The following ARID1B variants were observed in gnomAD, a reference collection of about 807,000 sequenced individuals.
ARID1B encodes the protein AT-rich interactive domain-containing protein 1B.
Under a neutral mutation model 212.3 loss-of-function variants are expected in ARID1B, and 30 were observed. The ratio of observed to expected loss-of-function variants is 0.14; its 90% CI spans 0.11 to 0.19. The LOEUF (loss-of-function observed/expected upper bound fraction) is 0.19. ARID1B is among the 10% of genes least tolerant of loss of function. ARID1B has a pLI of 1.00. For missense variants in ARID1B, 2,891 were observed against 3,204.0 expected, an observed-to-expected ratio of 0.90 and a Z score of 2.36; for synonymous variants, 1,402 against 1,301.7, an observed-to-expected ratio of 1.08 and a Z score of -1.66.
chr6:156,813,902 G>T (rs1379247309), intron 1 of ARID1B, among the ~76,000 whole-genome samples: 1 of 152,170 alleles, frequency 6.6e-6, no homozygotes, highest in Non-Finnish European at 1.5e-5. Context: ...GGAGGGGCCT[G>T]CCCTCCAGAC....
intron 4 of ARID1B, among the ~76,000 whole-genome samples, chr6:157,079,595 T>G (rs1445370919): frequency 6.6e-6 from 1 of 152,236 alleles, no homozygotes; most frequent in Non-Finnish European, 1.5e-5. Flanking sequence ...GGATGTTAAT[T>G]AGAAACAGAG....
intron 1 of ARID1B, among the ~76,000 whole-genome samples, chr6:156,822,495 T>C (rs1782424920): frequency 6.6e-6 from 1 of 152,210 alleles, no homozygotes; most frequent in Non-Finnish European, 1.5e-5. Context: ...TGAGAGAATC[T>C]CTTTGGCGAT....
At chr6:157,073,550 G>A (rs1253208916) in intron 4 of ARID1B, among the ~76,000 whole-genome samples, 1 of 152,192 alleles carries the variant, frequency 6.6e-6, no homozygotes, top group African/African-American at 2.4e-5. Flanking sequence ...TTTATACATA[G>A]CGACTGCTTA....
At chr6:157,023,562 T>C (rs1206312106) in intron 4 of ARID1B, 1 of 152,240 alleles carries the variant, frequency 6.6e-6, no homozygotes, top group East Asian at 1.9e-4. Context: ...TATTCTACTG[T>C]TACACTTACC....
intron 2 of ARID1B, among the ~76,000 whole-genome samples, chr6:156,890,051 A>C (rs566882652): frequency 2.6e-5 from 4 of 152,342 alleles, no homozygotes; most frequent in East Asian, 3.9e-4. Context: ...TGTATAAATA[A>C]ATTCATGGAT....
intron 4 of ARID1B, among the ~76,000 whole-genome samples, chr6:156,974,657 T>C (rs1306166434): frequency 1.3e-5 from 2 of 152,236 alleles, no homozygotes; most frequent in East Asian, 3.8e-4. Flanking sequence ...TCTTAGATAC[T>C]GGCAGAGTTG....
intron 4 of ARID1B, among the ~76,000 whole-genome samples, chr6:157,055,372 C>T (rs1171450311): frequency 6.6e-6 from 1 of 152,128 alleles, no homozygotes; most frequent in African/African-American, 2.4e-5. Context: ...TTTAAATTCA[C>T]CCGTAGAACT....
At chr6:156,877,376 T>C (rs930670288) in intron 2 of ARID1B, among the ~76,000 whole-genome samples, 1 of 152,168 alleles carries the variant, frequency 6.6e-6, no homozygotes, top group African/African-American at 2.4e-5. Context: ...GTGCTGTGTT[T>C]CACTCTGCAC....
In ARID1B at chr6:157,098,824, C is replaced by T. The variant is rs1056689519; in HGVS notation, c.2492-11648C>T. On this transcript the variant is annotated intron_variant, in intron 5 of 19. Coordinates refer to ENST00000636930, the MANE Select transcript of ARID1B (RefSeq NM_001374828.1). ...CAGGCTGAGCTGTGCCAGCCGCCAC[C>T]CTGAGAGTTGTGCCTCAGTCAAACC... Among the ~76,000 whole-genome samples the T allele has an allele frequency of 3.9e-5, 6 of 152,316 alleles. No individual in the cohort carries two copies. In the East Asian group the frequency reaches 9.6e-4, roughly 24 times the overall value.
chr6:157,095,799 C>T (rs1785577696), intron 5 of ARID1B, among the ~76,000 whole-genome samples: 1 of 152,064 alleles, frequency 6.6e-6, no homozygotes, highest in African/African-American at 2.4e-5. Flanking sequence ...ACCTGAAGTT[C>T]ATTTCACATG....
rs188395001 is a variant in ARID1B at position 156,883,147 on chromosome 6, T to C, written c.1987-18229T>C. On this transcript the variant is annotated intron_variant, in intron 2 of 19. Transcript: ENST00000636930. ...TACCGACAGCATCTTACTTCGGGGC[T>C]CTCTCCCTGCATCAAATCTTCCTCG... Among the ~76,000 whole-genome samples, 19 of 152,366 alleles carry C rather than the reference T, an allele frequency of 1.2e-4. No homozygotes were observed. In the East Asian group the frequency reaches 2.9e-3, roughly 23 times the overall value.
At chr6:156,904,912 C>G (rs1178594803) in intron 3 of ARID1B, among the ~76,000 whole-genome samples, 1 of 152,180 alleles carries the variant, frequency 6.6e-6, no homozygotes, top group Non-Finnish European at 1.5e-5. Context: ...TGGGTTCCAT[C>G]TCTAAGATAT....
At chr6:156,887,246 A>G (rs929229680) in intron 2 of ARID1B, among the ~76,000 whole-genome samples, 1 of 152,188 alleles carries the variant, frequency 6.6e-6, no homozygotes, top group Non-Finnish European at 1.5e-5. Context: ...AGTGGGTGCC[A>G]GTAACGTACC....
At chr6:157,157,139 C>G (rs558173286) in intron 8 of ARID1B, among the ~76,000 whole-genome samples, 1 of 152,250 alleles carries the variant, frequency 6.6e-6, no homozygotes, top group East Asian at 1.9e-4. Flanking sequence ...TGGGTCTGGC[C>G]CTCTCACAGC....
At chr6:156,966,386 C>CTTTTTTTTTTTTTTTT (rs1214987532) in intron 4 of ARID1B, among the ~76,000 whole-genome samples, 17 of 38,882 alleles carry the variant, frequency 4.4e-4, no homozygotes, top group Non-Finnish European at 6.3e-4. Context: ...CTTTTCTTTT[C>CTTTTTTTTTTTTTTTT]TTTTTTTTTT....
In ARID1B at chr6:157,133,075, C is replaced by T. The variant is rs114201726; in HGVS notation, c.2629C>T (p.Pro877Ser). 1.5e-3 allele frequency: 2,434 copies of T among 1,613,860 alleles called. 28 individuals carry two copies. In the African/African-American group the frequency reaches 0.022, roughly 15 times the overall value. Residue 877 changes from proline (P) to serine (S), a missense_variant, in exon 7 of 20, where the codon CCT becomes TCT. Physicochemically the swap from Pro to Ser is moderately conservative, Grantham distance 74 (BLOSUM62 -1). Coordinates refer to ENST00000636930, the MANE Select transcript of ARID1B (RefSeq NM_001374828.1). The stretch of plus-strand genomic sequence containing the variant: ...AAACCCTCAGATGGCTCAGTATGGA[C>T]CTCAACAGACAGGACCATCCATGTC... Reference protein sequence around the residue: ...QRNPQMAQYGPQQTGPSMSPH... With the variant: ...QRNPQMAQYGSQQTGPSMSPH...
intron 4 of ARID1B, chr6:157,036,969 A>T (rs897537189): frequency 9.6e-6 from 4 of 414,766 alleles, no homozygotes; most frequent in Admixed American, 3.4e-5. Context: ...TTTTTTTTTT[A>T]ATCATAATCA....
intron 1 of ARID1B, among the ~76,000 whole-genome samples, chr6:156,799,981 C>T (rs887442962): frequency 1.1e-4 from 16 of 152,150 alleles, no homozygotes; most frequent in Admixed American, 2.0e-4. Flanking sequence ...GGTGCCCACC[C>T]GGAACCCTCA....
intron 4 of ARID1B, among the ~76,000 whole-genome samples, chr6:157,029,272 T>C (rs992746527): frequency 2.6e-5 from 4 of 152,252 alleles, no homozygotes; most frequent in East Asian, 1.9e-4. Flanking sequence ...CTTCTACTTA[T>C]ATAGTTATAT....
Sources: allele counts gnomAD v4.1 joint callset (sites outside exome capture counted in the v4.1 genomes callset), GRCh38; gene constraint gnomAD v4.1.1; transcripts MANE v1.5; gene names NCBI Gene and HGNC (gene_info 2026-07-23, HGNC 2026-07-21).